Variants in DLG2 observed in about 807,000 individuals in gnomAD.
The protein encoded by DLG2 is discs large MAGUK scaffold protein 2.
Under a neutral mutation model 132.5 loss-of-function variants are expected in DLG2, and 45 were observed. The observed-to-expected ratio is 0.34, with a 90% CI of 0.27 to 0.44. The LOEUF (loss-of-function observed/expected upper bound fraction) is 0.44. Among genes scored for constraint, DLG2 ranks in the 20% least tolerant of loss-of-function variants. DLG2 has a pLI of 1.00. For missense variants in DLG2, 1,045 were observed against 1,196.9 expected (o/e 0.87, Z 1.87); for synonymous variants, 424 against 419.6 (o/e 1.01, Z -0.13).
intron 6 of DLG2, among the ~76,000 whole-genome samples, chr11:84,749,748 T>C (rs2065866980): frequency 6.6e-6 from 1 of 152,172 alleles, no homozygotes; most frequent in African/African-American, 2.4e-5. Context: ...ATAAGGAAAC[T>C]AAGCCTTCAG....
chr11:84,908,622 A>T (rs1016931623), intron 6 of DLG2, among the ~76,000 whole-genome samples: 1 of 151,918 alleles, frequency 6.6e-6, no homozygotes, highest in Admixed American at 6.6e-5. Context: ...TTTAGACCTC[A>T]TCGGAAAGAA....
intron 3 of DLG2, among the ~76,000 whole-genome samples, chr11:85,341,472 T>A (rs923129165): frequency 6.6e-6 from 1 of 152,208 alleles, no homozygotes; most frequent in African/African-American, 2.4e-5. Context: ...AAGACAGTTT[T>A]ATTGTTTCAC....
intron 8 of DLG2, among the ~76,000 whole-genome samples, chr11:84,225,565 T>A (rs2096979307): frequency 2.0e-5 from 3 of 152,210 alleles, no homozygotes. Context: ...TTTCCTTTAG[T>A]GGACTCTCTT....
chr11:84,156,171 C>T (rs899625001), intron 9 of DLG2, among the ~76,000 whole-genome samples: 1 of 152,022 alleles, frequency 6.6e-6, no homozygotes, highest in African/African-American at 2.4e-5. Context: ...CCACAAATTC[C>T]TTTTACTATC....
At chr11:84,000,464 A>T (rs2094288011) in intron 11 of DLG2, among the ~76,000 whole-genome samples, 1 of 152,056 alleles carries the variant, frequency 6.6e-6, no homozygotes, top group African/African-American at 2.4e-5. Context: ...ATAATATTGC[A>T]TGAAAACTTC....
intron 19 of DLG2, among the ~76,000 whole-genome samples, chr11:83,588,112 C>T (rs577109331): frequency 5.3e-5 from 8 of 152,130 alleles, no homozygotes; most frequent in African/African-American, 9.7e-5. Context: ...CTGGGAAGCT[C>T]GAACTGGGTG....
At chr11:84,844,375 T>C (rs1841014789) in intron 6 of DLG2, among the ~76,000 whole-genome samples, 2 of 151,736 alleles carry the variant, frequency 1.3e-5, no homozygotes, top group South Asian at 4.2e-4. Flanking sequence ...GGTATATCTG[T>C]TATGATTAGT....
chr11:85,223,980 T>TA (rs1461570178), intron 4 of DLG2, among the ~76,000 whole-genome samples: 6 of 152,032 alleles, frequency 3.9e-5, no homozygotes, highest in South Asian at 2.1e-4. Flanking sequence ...ATTTCTACTT[T>TA]AAAAAAAAGG....
chr11:84,986,070 A>G (rs2056448639), intron 6 of DLG2, among the ~76,000 whole-genome samples: 1 of 151,598 alleles, frequency 6.6e-6, no homozygotes, highest in Non-Finnish European at 1.5e-5. Context: ...ATTAACCAAG[A>G]AAAGAAGAGA....
At chr11:83,685,338 G>T (rs2153606155) in intron 18 of DLG2, among the ~76,000 whole-genome samples, 1 of 152,156 alleles carries the variant, frequency 6.6e-6, no homozygotes, top group Admixed American at 6.5e-5. Flanking sequence ...CTTCAATCAG[G>T]CTTCCCACTA....
intron 3 of DLG2, among the ~76,000 whole-genome samples, chr11:85,555,363 G>A (rs2076882635): frequency 6.6e-6 from 1 of 151,878 alleles, no homozygotes; most frequent in Admixed American, 6.6e-5. Context: ...TCAGGGAGTA[G>A]AATTCTTTAT....
intron 7 of DLG2, among the ~76,000 whole-genome samples, chr11:84,499,500 G>A (rs996617762): frequency 6.6e-6 from 1 of 152,116 alleles, no homozygotes; most frequent in Non-Finnish European, 1.5e-5. Context: ...ATAATCTACA[G>A]ATTCATAACA....
At chr11:83,852,123 T>C (rs1000442044) in intron 16 of DLG2, among the ~76,000 whole-genome samples, 3 of 152,130 alleles carry the variant, frequency 2.0e-5, no homozygotes, top group Non-Finnish European at 4.4e-5. Flanking sequence ...ACACTTTGAT[T>C]TTGGACTCTA....
chr11:83,790,453 G>A, intron 17 of DLG2: 1 of 1,163,788 alleles, frequency 8.6e-7, no homozygotes, highest in Middle Eastern at 2.0e-4. Flanking sequence ...GATCTTTTTA[G>A]CTCCTCTGTA....
intron 6 of DLG2, among the ~76,000 whole-genome samples, chr11:85,064,360 T>C (rs770146018): frequency 6.6e-6 from 1 of 151,814 alleles, no homozygotes; most frequent in Non-Finnish European, 1.5e-5. Context: ...TGCCTATATA[T>C]AAAATCATCA....
intron 9 of DLG2, among the ~76,000 whole-genome samples, chr11:84,107,721 G>A (rs2093065620): frequency 6.6e-6 from 1 of 152,116 alleles, no homozygotes; most frequent in Admixed American, 6.6e-5. Flanking sequence ...GAAATTAAAG[G>A]TCATTTTAAG....
intron 3 of DLG2, among the ~76,000 whole-genome samples, chr11:85,354,430 T>C (rs1258236374): frequency 1.3e-5 from 2 of 152,140 alleles, no homozygotes; most frequent in Non-Finnish European, 2.9e-5. Flanking sequence ...GGAAGGCCTA[T>C]AAATTTTCAC....
chr11:84,627,165 C>G (rs140956873), intron 6 of DLG2, among the ~76,000 whole-genome samples: 1 of 152,132 alleles, frequency 6.6e-6, no homozygotes, highest in Middle Eastern at 3.2e-3. Flanking sequence ...CCACCACTCC[C>G]GGCCCAATTA....
intron 22 of DLG2, 91 bp from the exon 23 acceptor site, chr11:83,472,868 C>T: frequency 1.8e-6 from 2 of 1,082,800 alleles, no homozygotes; most frequent in South Asian, 2.7e-5. Context: ...ACAGACACAG[C>T]TCAGAGTTAA....
Sources: gnomAD v4.1 joint callset for allele counts (sites outside exome capture counted in the v4.1 genomes callset) on GRCh38, gnomAD v4.1.1 for gene constraint, MANE v1.5 for transcripts, NCBI Gene and HGNC (gene_info 2026-07-23, HGNC 2026-07-21) for gene names.